The following JMJD8 variants were observed in gnomAD, a reference collection of about 807,000 sequenced individuals.
JMJD8 encodes the protein jmjC domain-containing protein 8.
A neutral mutation model predicts 37.6 loss-of-function variants in JMJD8; 56 were observed. The ratio of observed to expected loss-of-function variants is 1.49; its 90% confidence interval spans 1.20 to 1.86. The LOEUF is 1.86. JMJD8 is among the 40% of genes most tolerant of loss of function. JMJD8 has a pLI of 0.00. For missense variants in JMJD8, 542 were observed against 362.7 expected (o/e 1.49, Z -4.01); for synonymous variants, 261 against 163.7 (o/e 1.59, Z -4.54).
At position 683,023 on chromosome 16, in the gene JMJD8, C is replaced by T. The variant is rs1183833299; in HGVS notation, c.644G>A (p.Trp215Ter). Residue 215 changes from tryptophan (W) to a stop codon, truncating the protein, a stop_gained, in exon 8 of 9, where the codon TGG becomes TAG. Coordinates refer to ENST00000609261, the MANE Select transcript of JMJD8 (RefSeq NM_001005920.4). LOFTEE classifies it high-confidence loss of function. ...CAGGGCTGGGTATGTGTCCCGGAGCCAGGCCAGCGTGGTCTTGTTGGGGTG... is the reference window on the plus strand; with the variant it reads ...CAGGGCTGGGTATGTGTCCCGGAGCTAGGCCAGCGTGGTCTTGTTGGGGTG... The part of the protein sequence containing the change: ...EFHPNKTTLA[W>*]LRDTYPALPP... The T allele has an allele frequency of 5.6e-6, 9 of 1,613,384 alleles. No individual in the cohort carries two copies. Among genetic ancestry groups the T allele is most frequent in the African/African-American group, 2.7e-5 (2 of 74,938 alleles).
At position 682,138 on chromosome 16, in the gene JMJD8, C is replaced by T. The variant is rs758454425; in HGVS notation, c.*656G>A. 1.8e-5 allele frequency: 28 copies of T among 1,594,206 alleles called. No individual in the cohort carries two copies. Among genetic ancestry groups the T allele is most frequent in the African/African-American group, 5.4e-5 (4 of 74,654 alleles). On this transcript the variant is annotated 3_prime_UTR_variant, in exon 9 of 9. Transcript: ENST00000609261. ...TGCTCGTGCAGTGCCCCTTTTCAGCCTCTGACCGTGTGCCCCTGTGCCACA... is the reference window on the plus strand; with the variant it reads ...TGCTCGTGCAGTGCCCCTTTTCAGCTTCTGACCGTGTGCCCCTGTGCCACA...
chr16:682,873 A>C lies in JMJD8; in HGVS notation c.716T>G (p.Val239Gly). 1 of 1,612,944 alleles carries C rather than the reference A, an allele frequency of 6.2e-7. No individual in the cohort carries two copies. ...CCACCAGCGGTCGGGGAAGTACAGC[A>C]CCTGGTGGAGGAAGGGGGTGCAGCA... ...PLECTIRAGE[V>G]LYFPDRWWHA... The change falls in exon 9 of 9, where the codon GTG (valine) becomes GGG (glycine). Residue 239 changes from valine (V) to glycine (G), a missense_variant and splice_region_variant. Physicochemically the swap from Val to Gly is moderately radical, Grantham distance 109. Coordinates refer to ENST00000609261, the MANE Select transcript of JMJD8 (RefSeq NM_001005920.4).
At position 683,184 on chromosome 16, in the gene JMJD8, C is replaced by G. The variant is rs771628641; in HGVS notation, c.562G>C (p.Val188Leu). The change falls in exon 7 of 9, where the codon GTG (valine) becomes CTG (leucine). Residue 188 changes from valine to leucine, a missense_variant. Transcript: ENST00000609261. ...FHWHGPGYSE[V>L]IYGRKRWFLY... ...GTGCTGACCTTACGACCGTAGATCA[C>G]TTCTGAGTACCCGGGTCCATGCCAG... 2 of 1,613,246 alleles carry G rather than the reference C, an allele frequency of 1.2e-6. No individual in the cohort carries two copies. Among genetic ancestry groups the G allele is most frequent in the African/African-American group, 2.7e-5 (2 of 74,912 alleles).
Position 682,794 on chromosome 16 carries a change from C to T in JMJD8, c.795G>A (p.Ter265=). Residue 265 remains the stop codon, a stop_retained_variant, in exon 9 of 9, where the codon TAG becomes TAA. Transcript: ENST00000609261. ...CCGGCAGTCCTGCCAGCTGTTTTGG[C>T]TAGCCGAGGAAGGTGGAGATGAAGA... is the stretch of plus-strand genomic sequence containing the variant. ...TSVFISTFLG[*] is the part of the protein sequence containing the mutation. 6.2e-7 allele frequency: 1 copy of T among 1,612,896 alleles called. No individual in the cohort carries two copies. The highest frequency in any genetic ancestry group is 1.1e-5 in the South Asian group (1 of 91,044).
Position 684,285 on chromosome 16 carries a change from G to T in JMJD8, c.35C>A (p.Ala12Glu), listed in dbSNP as rs929852290. 9 of 1,459,498 alleles carry T rather than the reference G, an allele frequency of 6.2e-6. No individual in the cohort carries two copies. Among genetic ancestry groups the T allele is most frequent in the South Asian group, 2.7e-5 (2 of 74,732 alleles). 90.4% of individuals were successfully genotyped at this position (1,459,498 alleles called of 1,614,324 possible). Residue 12 changes from alanine to glutamate, a missense_variant, in exon 1 of 9, where the codon GCG (alanine) becomes GAG (glutamate). Ala to Glu is a moderately radical substitution (Grantham distance 107). Coordinates refer to ENST00000609261, the MANE Select transcript of JMJD8 (RefSeq NM_001005920.4). Reference protein sequence around the residue: ...APASRLLALWALAAVALPGSG... With the variant: ...APASRLLALWELAAVALPGSG... The stretch of plus-strand genomic sequence containing the variant: ...GCCGGGTAGAGCCACAGCCGCCAGC[G>T]CCCAGAGCGCGAGCAACCGCGACGC...
rs768604329 is a variant in JMJD8, at chr16:682,747, GGTGGGACGTGCTGGTGT to G, written c.*30_*46del. The G allele has an allele frequency of 6.3e-7, 1 of 1,591,056 alleles. No homozygotes were observed. The highest frequency in any genetic ancestry group is 1.1e-5 in the South Asian group (1 of 89,940). ...TGTGTAATAAAATCCGTGAGCACGA[GGTGGGACGTGCTGGTGT>G]GTGACCGGCAGTCCTGCCAGCTGTT... is the stretch of plus-strand genomic sequence containing the variant. On this transcript the variant is annotated 3_prime_UTR_variant, in exon 9 of 9. Coordinates refer to ENST00000609261, the MANE Select transcript of JMJD8 (RefSeq NM_001005920.4).
At position 682,257 on chromosome 16, in the gene JMJD8, C is replaced by G. The variant is rs776493554; in HGVS notation, c.*537G>C. The G allele has an allele frequency of 1.2e-6, 2 of 1,610,988 alleles. No homozygotes were observed. The highest frequency in any genetic ancestry group is 2.2e-5 in the South Asian group (2 of 90,934). Reference sequence around the variant, plus strand: ...CGCCCAGTGGCATCACCTACGACCGCAAGGACATCGAGGAGCACCTGCAGG... The same window carrying G: ...CGCCCAGTGGCATCACCTACGACCGGAAGGACATCGAGGAGCACCTGCAGG... On this transcript the variant is annotated 3_prime_UTR_variant, in exon 9 of 9. Transcript: ENST00000609261.
rs1401150548 is a variant in JMJD8 at position 682,574 on chromosome 16, C to T, written c.*220G>A. The T allele has an allele frequency of 4.5e-6, 7 of 1,569,732 alleles. No individual in the cohort carries two copies. Among genetic ancestry groups the T allele is most frequent in the Non-Finnish European group, 6.1e-6 (7 of 1,152,604 alleles). On this transcript the variant is annotated 3_prime_UTR_variant, in exon 9 of 9. Coordinates refer to ENST00000609261, the MANE Select transcript of JMJD8 (RefSeq NM_001005920.4). ...CCTATACATAGTTTATGTTCCTGGC[C>T]ACCCCGACCGCTTCCCCCAAGTTCT...
Position 682,649 on chromosome 16 carries a change from C to T in JMJD8, c.*145G>A, listed in dbSNP as rs1204519665. On this transcript the variant is annotated 3_prime_UTR_variant, in exon 9 of 9. Transcript: ENST00000609261. The stretch of plus-strand genomic sequence containing the variant: ...CCTCTCAGCATCGCTTTTGCTGGGC[C>T]GTGATCGTCCCCCTTTGTGGGCTGG... The T allele has an allele frequency of 1.1e-5, 16 of 1,404,214 alleles. No individual in the cohort carries two copies. The highest frequency in any genetic ancestry group is 2.7e-5 in the South Asian group (2 of 75,218). The allele number at this position is 1,404,214 out of a possible 1,614,324, so 87.0% of individuals were successfully genotyped here.
chr16:683,034 G>A lies in JMJD8; in HGVS notation c.633C>T (p.Thr211=), dbSNP rs776362427. ...EKTPEFHPNK[T]TLAWLRDTYP... ...ATGTGTCCCGGAGCCAGGCCAGCGT[G>A]GTCTTGTTGGGGTGGAACTCTGGCG... Residue 211 remains threonine, a synonymous_variant, in exon 8 of 9, where the codon ACC becomes ACT. Transcript: ENST00000609261. The A allele has an allele frequency of 2.4e-5, 39 of 1,613,460 alleles. No individual in the cohort carries two copies. In the Middle Eastern group the frequency reaches 1.5e-3, roughly 61 times the overall value.
Position 683,267 on chromosome 16 carries a change from A to G in JMJD8, c.512-33T>C, listed in dbSNP as rs1324832900. ...GTTATGAGCACCTGGTGACCAACCC[A>G]TTTTGTACTCACCGACAGAAGCCTC... On this transcript the variant is annotated intron_variant, in intron 6 of 8. Coordinates refer to ENST00000609261, the MANE Select transcript of JMJD8 (RefSeq NM_001005920.4). 4.3e-6 allele frequency: 7 copies of G among 1,612,754 alleles called. No homozygotes were observed. In the African/African-American group the frequency reaches 8.0e-5, roughly 18 times the overall value.
chr16:681,942 C>T lies in JMJD8; in HGVS notation c.*852G>A, dbSNP rs775045637. The T allele has an allele frequency of 1.2e-5, 20 of 1,612,596 alleles. No individual in the cohort carries two copies. Among genetic ancestry groups the T allele is most frequent in the African/African-American group, 5.3e-5 (4 of 74,928 alleles). ...TGTGCACGTGGCGTGGGAGCATCCC[C>T]GCCTTGTGTTGGGTCTGTGCCCCAT... On this transcript the variant is annotated 3_prime_UTR_variant, in exon 9 of 9. Coordinates refer to ENST00000609261, the MANE Select transcript of JMJD8 (RefSeq NM_001005920.4).
chr16:682,185 C>T lies in JMJD8; in HGVS notation c.*609G>A. 2 of 1,609,702 alleles carry T rather than the reference C, an allele frequency of 1.2e-6. No individual in the cohort carries two copies. Among genetic ancestry groups the T allele is most frequent in the Non-Finnish European group, 1.7e-6 (2 of 1,176,726 alleles). On this transcript the variant is annotated 3_prime_UTR_variant, in exon 9 of 9. Coordinates refer to ENST00000609261, the MANE Select transcript of JMJD8 (RefSeq NM_001005920.4). ...CACAGAAGCGAGACATCCCCGACTA[C>T]CTGTGTGGCAAGATCAGCTTTGAGC...
In JMJD8 at chr16:682,080, AGT is replaced by A. The variant is rs1319513645; in HGVS notation, c.*712_*713del. 2.5e-6 allele frequency: 4 copies of A among 1,582,032 alleles called. No individual in the cohort carries two copies. The highest frequency in any genetic ancestry group is 1.1e-5 in the South Asian group (1 of 87,522). ...TCAGGTGGATGAGAAGAGGAAGGTG[AGT>A]GTGTGTCGCTTGCTGCCGATGGCTG... On this transcript the variant is annotated 3_prime_UTR_variant, in exon 9 of 9. Transcript: ENST00000609261.
chr16:682,931 C>T (rs772838746), intron 8 of JMJD8, 22 bp downstream of exon 8: 57 of 1,611,292 alleles, frequency 3.5e-5, no homozygotes, highest in Admixed American at 5.0e-5. Context: ...CCTGGCCTGG[C>T]CCTCTCCTGC....
Position 684,294 on chromosome 16 carries a change from G to A in JMJD8, c.26C>T (p.Ala9Val), listed in dbSNP as rs1425371266. MAPASRLL[A>V]LWALAAVALP... ...AGCCACAGCCGCCAGCGCCCAGAGC[G>A]CGAGCAACCGCGACGCCGGCGCCAT... The change falls in exon 1 of 9, where the codon GCG (alanine) becomes GTG (valine). Residue 9 changes from alanine to valine, a missense_variant. Transcript: ENST00000609261. 4 of 1,475,610 alleles carry A rather than the reference G, an allele frequency of 2.7e-6. No individual in the cohort carries two copies. The highest frequency in any genetic ancestry group is 2.9e-5 in the East Asian group (1 of 34,464). 91.4% of individuals were successfully genotyped at this position (1,475,610 alleles called of 1,614,324 possible). A position where few individuals can be genotyped will look rare whatever the true frequency, so the allele number is the denominator to read the frequency against.
In JMJD8 at chr16:682,906, G is replaced by A. The variant is rs201295003; in HGVS notation, c.715-32C>T. 2.7e-5 allele frequency: 44 copies of A among 1,612,472 alleles called. No homozygotes were observed. In the East Asian group the frequency reaches 9.4e-4, roughly 34 times the overall value. ...GAGGAAGGGGGTGCAGCAGAGATTA[G>A]CTGCGGGCCTCTAGCCTGGCCTGGC... On this transcript the variant is annotated intron_variant, in intron 8 of 8. Coordinates refer to ENST00000609261, the MANE Select transcript of JMJD8 (RefSeq NM_001005920.4).
rs770731909 is a variant in JMJD8 at position 681,910 on chromosome 16, C to CTG, written c.*882_*883dup. ...GGGTGCCCCCCACCCACATGTGGGT[C>CTG]TGTGTGTGTGCACGTGGCGTGGGAG... On this transcript the variant is annotated 3_prime_UTR_variant, in exon 9 of 9. Transcript: ENST00000609261. 1.2e-6 allele frequency: 2 copies of CTG among 1,611,770 alleles called. No individual in the cohort carries two copies. The highest frequency in any genetic ancestry group is 1.1e-5 in the South Asian group (1 of 91,052).
rs200243945 is a variant in JMJD8 at position 684,065 on chromosome 16, C to T, written c.176+1G>A. 5 of 1,580,258 alleles carry T rather than the reference C, an allele frequency of 3.2e-6. No individual in the cohort carries two copies. In the East Asian group the frequency reaches 6.9e-5, roughly 22 times the overall value. On this transcript the variant is annotated splice_donor_variant, in intron 2 of 8. Transcript: ENST00000609261. LOFTEE classifies it high-confidence loss of function. Reference sequence around the variant, plus strand: ...ACCTCCGCGATCAGGGGCGCACGTACTGCTGCACGAACTCCGCGTAGGTGA... The same window carrying T: ...ACCTCCGCGATCAGGGGCGCACGTATTGCTGCACGAACTCCGCGTAGGTGA...
Sources: gnomAD v4.1 joint callset for allele counts on GRCh38, gnomAD v4.1.1 for gene constraint, MANE v1.5 for transcripts, NCBI Gene and HGNC (gene_info 2026-07-23, HGNC 2026-07-21) for gene names.